Variants in XKR4 observed in about 807,000 individuals in gnomAD.
XKR4 encodes the protein XK related 4.
Under a neutral mutation model 53.9 loss-of-function variants are expected in XKR4, and 12 were observed. The ratio of observed to expected loss-of-function variants is 0.22; its 90% CI spans 0.14 to 0.36. The LOEUF (loss-of-function observed/expected upper bound fraction) is 0.36. XKR4 is among the 10% of genes least tolerant of loss of function. XKR4 has a pLI of 1.00. For synonymous variants in XKR4, 354 were observed against 362.4 expected (o/e 0.98, Z 0.26); for missense variants, 799 against 859.5 (o/e 0.93, Z 0.88).
chr8:55,311,620 C>T (rs1819390114), intron 1 of XKR4, among the ~76,000 whole-genome samples: 1 of 151,950 alleles, frequency 6.6e-6, no homozygotes, highest in Admixed American at 6.6e-5. Flanking sequence ...GAAAAGGGTA[C>T]AAATTTCTTA....
chr8:55,379,909 T>C (rs1804206532), intron 2 of XKR4, among the ~76,000 whole-genome samples: 1 of 152,220 alleles, frequency 6.6e-6, no homozygotes, highest in African/African-American at 2.4e-5. Flanking sequence ...TTCATTTATT[T>C]CTCTGAAATG....
chr8:55,163,575 G>T (rs1817017098), intron 1 of XKR4, among the ~76,000 whole-genome samples: 1 of 152,158 alleles, frequency 6.6e-6, no homozygotes, highest in Non-Finnish European at 1.5e-5. Context: ...AATGGGCATG[G>T]TGGCTCACAC....
intron 1 of XKR4, among the ~76,000 whole-genome samples, chr8:55,314,413 C>G (rs1819431393): frequency 6.6e-6 from 1 of 152,018 alleles, no homozygotes; most frequent in Non-Finnish European, 1.5e-5. Flanking sequence ...TGCCTGAGGC[C>G]CCCCCATCGC....
At chr8:55,317,175 A>T (rs1229979804) in intron 1 of XKR4, among the ~76,000 whole-genome samples, 2 of 152,246 alleles carry the variant, frequency 1.3e-5, no homozygotes, top group Non-Finnish European at 2.9e-5. Context: ...CTTATTTCTG[A>T]AAGATTTTAT....
At chr8:55,374,599 G>T (rs1302490819) in intron 2 of XKR4, among the ~76,000 whole-genome samples, 2 of 152,170 alleles carry the variant, frequency 1.3e-5, no homozygotes, top group Admixed American at 1.3e-4. Flanking sequence ...AGAGAGGTGG[G>T]TGTATTGGAA....
chr8:55,466,095 T>C (rs1455135121), intron 2 of XKR4, among the ~76,000 whole-genome samples: 1 of 152,126 alleles, frequency 6.6e-6, no homozygotes, highest in Non-Finnish European at 1.5e-5. Context: ...CTCAGGGATC[T>C]AGAACTAGAA....
At chr8:55,227,741 C>T (rs1297650080) in intron 1 of XKR4, among the ~76,000 whole-genome samples, 1 of 152,158 alleles carries the variant, frequency 6.6e-6, no homozygotes, top group Non-Finnish European at 1.5e-5. Flanking sequence ...GTGCTGAGAG[C>T]ACAGATCCGC....
rs368103612 is a variant in XKR4 at position 55,443,187 on chromosome 8, G to A, written c.1007-80094G>A. ...GGAATTCTAAGAAATAAAAATTATA[G>A]GACATGTTTCCTATGAACATGGACA... On this transcript the variant is annotated intron_variant, in intron 2 of 2. Transcript: ENST00000327381. 2.0e-4 allele frequency among the ~76,000 whole-genome samples: 31 copies of A among 152,022 alleles called. No individual in the cohort carries two copies. In the East Asian group the frequency reaches 5.8e-3, roughly 28 times the overall value.
chr8:55,146,613 A>G (rs1816775767), intron 1 of XKR4, among the ~76,000 whole-genome samples: 1 of 152,236 alleles, frequency 6.6e-6, no homozygotes, highest in Admixed American at 6.5e-5. Context: ...ACATGTGGCT[A>G]GTGGCTACTG....
chr8:55,378,265 A>G (rs1263594134), intron 2 of XKR4, among the ~76,000 whole-genome samples: 2 of 152,234 alleles, frequency 1.3e-5, no homozygotes, highest in Non-Finnish European at 2.9e-5. Context: ...ATGCCAAAAA[A>G]GCAAGTTCTT....
intron 1 of XKR4, among the ~76,000 whole-genome samples, chr8:55,144,467 C>T (rs770047564): frequency 1.7e-4 from 26 of 152,054 alleles, no homozygotes; most frequent in Non-Finnish European, 2.9e-4. Context: ...TAAAGAGAGC[C>T]GTCTGCAGCT....
At chr8:55,431,870 G>A (rs1805110099) in intron 2 of XKR4, among the ~76,000 whole-genome samples, 1 of 152,124 alleles carries the variant, frequency 6.6e-6, no homozygotes, top group Non-Finnish European at 1.5e-5. Flanking sequence ...AACTATTCTA[G>A]CATCTGATTC....
At chr8:55,182,953 G>A (rs1817330209) in intron 1 of XKR4, among the ~76,000 whole-genome samples, 1 of 151,774 alleles carries the variant, frequency 6.6e-6, no homozygotes, top group African/African-American at 2.4e-5. Context: ...CCATTTATTT[G>A]TCTTAAAACG....
Position 55,530,097 on chromosome 8 carries a change from T to TAG in XKR4, c.*5879_*5880dup, listed in dbSNP as rs1212854092. 1 of 139,072 alleles carries TAG rather than the reference T, an allele frequency of 7.2e-6. No individual in the cohort carries two copies. Among genetic ancestry groups the TAG allele is most frequent in the South Asian group, 2.2e-4 (1 of 4,454 alleles). 8.6% of individuals were successfully genotyped at this position (139,072 alleles called of 1,614,324 possible). A position where few individuals can be genotyped will look rare whatever the true frequency, so the allele number is the denominator to read the frequency against. On this transcript the variant is annotated 3_prime_UTR_variant, in exon 3 of 3. Coordinates refer to ENST00000327381, the MANE Select transcript of XKR4 (RefSeq NM_052898.2). The stretch of plus-strand genomic sequence containing the variant: ...TACTTACTTTGGCATTTTGACAAGA[T>TAG]AGAGAGAGAGGAAAAGAAAGAGGGA...
At chr8:55,337,639 G>T (rs144966754) in intron 1 of XKR4, among the ~76,000 whole-genome samples, 1 of 152,288 alleles carries the variant, frequency 6.6e-6, no homozygotes, top group African/African-American at 2.4e-5. Flanking sequence ...AACGATGAAA[G>T]AATTGTATGC....
At chr8:55,494,449 C>G (rs74529355) in intron 2 of XKR4, among the ~76,000 whole-genome samples, 1 of 152,198 alleles carries the variant, frequency 6.6e-6, no homozygotes, top group Non-Finnish European at 1.5e-5. Flanking sequence ...TCTTTTAGCC[C>G]CGCCATTCAA....
chr8:55,164,691 T>C, intron 1 of XKR4: 7 of 302,478 alleles, frequency 2.3e-5, no homozygotes, highest in South Asian at 2.1e-4. Flanking sequence ...GAGAATAAGA[T>C]CAAGTCAAAT....
At chr8:55,196,528 G>A (rs537288012) in intron 1 of XKR4, among the ~76,000 whole-genome samples, 1 of 152,160 alleles carries the variant, frequency 6.6e-6, no homozygotes, top group Non-Finnish European at 1.5e-5. Context: ...TGGAAAGTTT[G>A]TAATGGAATA....
At chr8:55,205,714 G>T (rs561021838) in intron 1 of XKR4, among the ~76,000 whole-genome samples, 1 of 152,114 alleles carries the variant, frequency 6.6e-6, no homozygotes, top group African/African-American at 2.4e-5. Context: ...ATTAGATGTG[G>T]GAATTCAAGT....
Sources: allele counts gnomAD v4.1 joint callset (sites outside exome capture counted in the v4.1 genomes callset), GRCh38; gene constraint gnomAD v4.1.1; transcripts MANE v1.5; gene names NCBI Gene and HGNC (gene_info 2026-07-23, HGNC 2026-07-21).